Variants in GUCY2F observed in about 807,000 individuals in gnomAD.
The protein encoded by GUCY2F is guanylate cyclase 2F, retinal.
A neutral mutation model predicts 73.1 loss-of-function variants in GUCY2F; 61 were observed. That is an observed-to-expected ratio of 0.83 (90% confidence interval 0.68 to 1.03). The LOEUF is 1.03. Ranked by LOEUF, GUCY2F falls within the 50% of genes least tolerant of loss-of-function variation. The probability of loss-of-function intolerance (pLI) is 0.00; values close to 1 mark genes in which losing one functional copy is unlikely to be tolerated. For missense variants in GUCY2F, 912 were observed against 854.3 expected (o/e 1.07, Z -0.84); for synonymous variants, 331 against 307.8 (o/e 1.08, Z -0.79).
intron 6 of GUCY2F, among the ~76,000 whole-genome samples, chrX:109,445,915 C>A (rs1931994286): frequency 8.9e-6 from 1 of 112,076 alleles, no homozygotes; most frequent in Non-Finnish European, 1.9e-5. Context: ...TGATAAGGAA[C>A]TTCAGCAAAG....
At chrX:109,379,490 G>A (rs1341254071) in intron 17 of GUCY2F, among the ~76,000 whole-genome samples, 1 of 111,888 alleles carries the variant, frequency 8.9e-6, no homozygotes, top group African/African-American at 3.2e-5. Flanking sequence ...ACCCCATAAA[G>A]TACACAATTA....
chrX:109,476,096 G>A (rs1239787597), intron 1 of GUCY2F, 75 bp from the exon 2 acceptor site: 34 of 352,988 alleles, frequency 9.6e-5, no homozygotes, highest in Middle Eastern at 8.3e-4. Context: ...GTGAAAGAAT[G>A]GCAAAAAAAA....
intron 8 of GUCY2F, among the ~76,000 whole-genome samples, chrX:109,429,598 C>T (rs1027613477): frequency 5.4e-5 from 6 of 111,693 alleles, no homozygotes; most frequent in Admixed American, 2.8e-4. Flanking sequence ...TTTGAAATTG[C>T]TCACTTCATA....
rs1269882256 is a variant in GUCY2F, at chrX:109,382,154, G to T, written c.3114C>A (p.Gly1038=). 8.4e-7 allele frequency: 1 copy of T among 1,187,513 alleles called. No homozygotes were observed. The highest frequency in any genetic ancestry group is 2.2e-5 in the Admixed American group (1 of 45,944). ...TVTILQNLSE[G]YEVELRGRTE... The stretch of plus-strand genomic sequence containing the variant: ...TTCTTCCTCGAAGCTCCACTTCATA[G>T]CCCTCACTCAGATTTTGAAGAATTG... Residue 1038 remains glycine, a synonymous_variant, in exon 17 of 20, where the codon GGC becomes GGA. Transcript: ENST00000218006.
In GUCY2F at chrX:109,398,680, G is replaced by A. The variant is rs367814220; in HGVS notation, c.2144C>T (p.Pro715Leu). ...SSMEELLWTA[P>L]ELLRAPRGSR... ...GCCTCTTGGAGCTCTCAACAGTTCA[G>A]GGGCCGTCCACAGCAGCTCTAAAAA... The change falls in exon 11 of 20, where the codon CCT becomes CTT. Residue 715 changes from proline (P) to leucine (L), a missense_variant. Coordinates refer to ENST00000218006, the MANE Select transcript of GUCY2F (RefSeq NM_001522.3). The A allele has an allele frequency of 1.7e-5, 20 of 1,208,445 alleles. No individual in the cohort carries two copies. Among genetic ancestry groups the A allele is most frequent in the Non-Finnish European group, 2.2e-5 (20 of 894,042 alleles).
At position 109,376,079 on chromosome X, in the gene GUCY2F, C is replaced by G; in HGVS notation, c.3239G>C (p.Gly1080Ala). The G allele has an allele frequency of 8.4e-7, 1 of 1,187,170 alleles. No homozygotes were observed. The highest frequency in any genetic ancestry group is 1.1e-6 in the Non-Finnish European group (1 of 873,082). ...LPVPPPVDKDGQVGHGLQPVE... is the reference protein window; with the variant it reads ...LPVPPPVDKDAQVGHGLQPVE... ...CCAATTAAATGTGAACTCCACTTACCCATCTTTGTCCACTGGTGGGGGCAC... is the reference window on the plus strand; with the variant it reads ...CCAATTAAATGTGAACTCCACTTACGCATCTTTGTCCACTGGTGGGGGCAC... Residue 1080 changes from glycine (G) to alanine (A), a missense_variant and splice_region_variant, in exon 18 of 20, where the codon GGG becomes GCG. Coordinates refer to ENST00000218006, the MANE Select transcript of GUCY2F (RefSeq NM_001522.3).
chrX:109,441,996 A>G (rs1316434395), intron 6 of GUCY2F, among the ~76,000 whole-genome samples: 3 of 111,508 alleles, frequency 2.7e-5, no homozygotes, highest in East Asian at 2.8e-4. Flanking sequence ...CTTTGTGCAG[A>G]TAAGATTAAC....
intron 7 of GUCY2F, among the ~76,000 whole-genome samples, chrX:109,432,265 C>T (rs1211541882): frequency 1.8e-5 from 2 of 112,194 alleles, no homozygotes; most frequent in Non-Finnish European, 3.8e-5. Context: ...CACTCACACT[C>T]TCTTCATTTA....
chrX:109,422,561 C>G (rs966350431), intron 8 of GUCY2F, among the ~76,000 whole-genome samples: 7 of 111,642 alleles, frequency 6.3e-5, no homozygotes, highest in Non-Finnish European at 1.3e-4. Flanking sequence ...AAATAAAAAA[C>G]ACTATGAGAT....
chrX:109,453,392 G>A (rs1029294744), intron 4 of GUCY2F, 113 bp downstream of exon 4: 25 of 452,703 alleles, frequency 5.5e-5, no homozygotes, highest in Non-Finnish European at 9.2e-5. Flanking sequence ...TCACTCGAAT[G>A]CAAATAACTG....
intron 8 of GUCY2F, among the ~76,000 whole-genome samples, chrX:109,420,299 A>G (rs1603381850): frequency 9.6e-6 from 1 of 104,384 alleles, no homozygotes; most frequent in Non-Finnish European, 2.0e-5. Flanking sequence ...GAGAGAGAGA[A>G]AAAGAGAAAG....
At chrX:109,434,863 G>T (rs1489730994) in intron 7 of GUCY2F, among the ~76,000 whole-genome samples, 1 of 111,100 alleles carries the variant, frequency 9.0e-6, no homozygotes, top group East Asian at 2.8e-4. Context: ...AGTTTTCCCA[G>T]CACCATTTAT....
At chrX:109,474,039 T>C (rs959967548) in intron 2 of GUCY2F, among the ~76,000 whole-genome samples, 5 of 112,181 alleles carry the variant, frequency 4.5e-5, no homozygotes, top group Admixed American at 9.4e-5. Flanking sequence ...GGCAGATTAC[T>C]GTAGTTCTGG....
At chrX:109,434,739 C>A (rs1279769535) in intron 7 of GUCY2F, among the ~76,000 whole-genome samples, 1 of 110,431 alleles carries the variant, frequency 9.1e-6, no homozygotes, top group Non-Finnish European at 1.9e-5. Flanking sequence ...AGGTTTTCTT[C>A]TAGGGTTTTT....
chrX:109,424,717 G>C (rs758137082), intron 8 of GUCY2F, among the ~76,000 whole-genome samples: 2 of 110,505 alleles, frequency 1.8e-5, no homozygotes, highest in Non-Finnish European at 3.8e-5. Flanking sequence ...ACCCAAAATA[G>C]TTCCAAAAAA....
intron 16 of GUCY2F, among the ~76,000 whole-genome samples, chrX:109,384,888 C>T (rs1930398046): frequency 4.5e-5 from 5 of 111,126 alleles, no homozygotes; most frequent in Non-Finnish European, 9.4e-5. Flanking sequence ...TTTCTTTACC[C>T]AAAATACTAT....
chrX:109,419,007 G>GA (rs1931306598), intron 8 of GUCY2F, among the ~76,000 whole-genome samples: 2 of 110,360 alleles, frequency 1.8e-5, no homozygotes, highest in South Asian at 7.5e-4. Context: ...GACATTTCTT[G>GA]AAAAACACAA....
chrX:109,454,773 C>T (rs1443216765), intron 3 of GUCY2F, among the ~76,000 whole-genome samples: 1 of 110,877 alleles, frequency 9.0e-6, no homozygotes, highest in Non-Finnish European at 1.9e-5. Flanking sequence ...GTACCTCCCC[C>T]GACATGGCCC....
intron 17 of GUCY2F, among the ~76,000 whole-genome samples, chrX:109,378,619 A>G (rs768072667): frequency 9.0e-6 from 1 of 111,652 alleles, no homozygotes; most frequent in East Asian, 2.8e-4. Flanking sequence ...GTGTGTGCTC[A>G]TAGACATGCT....
Sources: allele counts gnomAD v4.1 joint callset (sites outside exome capture counted in the v4.1 genomes callset), GRCh38; gene constraint gnomAD v4.1.1; transcripts MANE v1.5; gene names NCBI Gene and HGNC (gene_info 2026-07-23, HGNC 2026-07-21).